The following AGBL4 variants were observed in gnomAD, a reference collection of about 807,000 sequenced individuals.
AGBL4 encodes the protein AGBL carboxypeptidase 4, also known as cytosolic carboxypeptidase 6.
Under a neutral mutation model 66.4 loss-of-function variants are expected in AGBL4, and 58 were observed. That is an observed-to-expected ratio of 0.87 (90% confidence interval 0.71 to 1.09). The LOEUF is 1.09. AGBL4 is among the 50% of genes least tolerant of loss of function. The pLI is 0.00. For missense variants in AGBL4, 579 were observed against 631.0 expected (o/e 0.92, Z 0.88); for synonymous variants, 234 against 222.9 (o/e 1.05, Z -0.44).
At chr1:49,711,195 A>G (rs922897285) in intron 2 of AGBL4, among the ~76,000 whole-genome samples, 3 of 152,140 alleles carry the variant, frequency 2.0e-5, no homozygotes, top group Non-Finnish European at 1.5e-5. Context: ...ATAATTTCTC[A>G]TAAAGGTAAA....
At chr1:49,027,596 C>A (rs980754761) in intron 5 of AGBL4, among the ~76,000 whole-genome samples, 2 of 152,058 alleles carry the variant, frequency 1.3e-5, no homozygotes, top group African/African-American at 4.8e-5. Flanking sequence ...AATATTAGTT[C>A]CCTCTCTACC....
chr1:48,838,914 C>G (rs1646739965), intron 6 of AGBL4, among the ~76,000 whole-genome samples: 1 of 151,964 alleles, frequency 6.6e-6, no homozygotes, highest in Non-Finnish European at 1.5e-5. Flanking sequence ...AAATGGCCAA[C>G]AGGTATAAAA....
At chr1:49,139,992 C>A (rs1646087889) in intron 4 of AGBL4, among the ~76,000 whole-genome samples, 1 of 152,080 alleles carries the variant, frequency 6.6e-6, no homozygotes, top group Admixed American at 6.6e-5. Context: ...AAAAAGGGGG[C>A]TCAAAATCTG....
intron 1 of AGBL4, among the ~76,000 whole-genome samples, chr1:49,880,008 C>A (rs1647167372): frequency 6.6e-6 from 1 of 150,504 alleles, no homozygotes; most frequent in South Asian, 2.1e-4. Flanking sequence ...GTTTTCAGCT[C>A]CATCAGCTCC....
intron 1 of AGBL4, among the ~76,000 whole-genome samples, chr1:49,890,232 A>T (rs1380692161): frequency 6.6e-6 from 1 of 152,252 alleles, no homozygotes; most frequent in African/African-American, 2.4e-5. Context: ...ACACAGAATT[A>T]GTGAAAAGGC....
intron 6 of AGBL4, among the ~76,000 whole-genome samples, chr1:48,726,823 A>C (rs1647304434): frequency 1.3e-5 from 2 of 152,214 alleles, no homozygotes; most frequent in African/African-American, 4.8e-5. Context: ...CATTTATTGA[A>C]CACTTATCTC....
intron 6 of AGBL4, among the ~76,000 whole-genome samples, chr1:48,846,314 A>AGATAGATAGATC (rs1174787198): frequency 1.4e-5 from 2 of 142,674 alleles, no homozygotes; most frequent in African/African-American, 6.1e-5. Context: ...ATAGATAGAC[A>AGATAGATAGATC]GATAGATAGA....
intron 2 of AGBL4, among the ~76,000 whole-genome samples, chr1:49,713,188 G>A (rs1647806766): frequency 6.6e-6 from 1 of 151,880 alleles, no homozygotes; most frequent in South Asian, 2.1e-4. Context: ...CTATTTCTCT[G>A]TTCTTTTATT....
chr1:49,969,386 T>C (rs1202819779), intron 1 of AGBL4, among the ~76,000 whole-genome samples: 1 of 152,102 alleles, frequency 6.6e-6, no homozygotes, highest in African/African-American at 2.4e-5. Flanking sequence ...TGTGTGTGTG[T>C]ATGTGTATGA....
At position 49,734,844 on chromosome 1, in the gene AGBL4, CTTATA is replaced by C. The variant is rs577609908; in HGVS notation, c.158-37412_158-37408del. Among the ~76,000 whole-genome samples the C allele has an allele frequency of 2.9e-3, 434 of 151,822 alleles. 1 individual carries two copies. The highest frequency in any genetic ancestry group is 5.0e-3 in the South Asian group (24 of 4,816). ...TAAAAATAATAATAATCATGGGAAACTTATATTATTTTATTTCAAAACTTAGTATA... is the reference window on the plus strand; with the variant it reads ...TAAAAATAATAATAATCATGGGAAACTTATTTTATTTCAAAACTTAGTATA... On this transcript the variant is annotated intron_variant, in intron 2 of 13. Coordinates refer to ENST00000371839, the MANE Select transcript of AGBL4 (RefSeq NM_032785.4).
chr1:49,045,874 C>T, intron 4 of AGBL4, 74 bp from the exon 5 acceptor site: 1 of 1,251,260 alleles, frequency 8.0e-7, no homozygotes, highest in Middle Eastern at 2.1e-4. Flanking sequence ...ACATATAAAT[C>T]AATGCCTGGA....
chr1:49,620,289 C>T (rs1047842121), intron 3 of AGBL4, among the ~76,000 whole-genome samples: 3 of 151,942 alleles, frequency 2.0e-5, no homozygotes, highest in African/African-American at 7.3e-5. Flanking sequence ...CAAACCACCC[C>T]ATCAAAAATG....
At chr1:48,614,087 T>C (rs1001951907) in intron 9 of AGBL4, among the ~76,000 whole-genome samples, 9 of 152,218 alleles carry the variant, frequency 5.9e-5, no homozygotes, top group African/African-American at 2.2e-4. Flanking sequence ...CACCCTCTGA[T>C]GAAAAGAAAA....
intron 4 of AGBL4, among the ~76,000 whole-genome samples, chr1:49,237,272 A>T (rs1650832779): frequency 7.0e-6 from 1 of 142,410 alleles, no homozygotes; most frequent in Non-Finnish European, 1.5e-5. Context: ...AAAAAAAACT[A>T]AAAAAAAAAA....
chr1:49,283,488 C>T (rs566174270), intron 3 of AGBL4, among the ~76,000 whole-genome samples: 1 of 152,338 alleles, frequency 6.6e-6, no homozygotes, highest in Non-Finnish European at 1.5e-5. Context: ...GAACGCAGTT[C>T]CTCACCAGCA....
chr1:49,628,434 G>T (rs1645506106), intron 3 of AGBL4, among the ~76,000 whole-genome samples: 1 of 152,244 alleles, frequency 6.6e-6, no homozygotes, highest in East Asian at 1.9e-4. Context: ...AATGAGGCCT[G>T]CCAGATCTTA....
chr1:48,983,105 A>G (rs182534737), intron 5 of AGBL4, among the ~76,000 whole-genome samples: 60 of 152,312 alleles, frequency 3.9e-4, no homozygotes, highest in Admixed American at 1.4e-3. Flanking sequence ...TTACTCATCA[A>G]AAATGACATT....
At chr1:49,884,364 T>C (rs567663917) in intron 1 of AGBL4, among the ~76,000 whole-genome samples, 66 of 152,064 alleles carry the variant, frequency 4.3e-4, no homozygotes, top group Non-Finnish European at 6.6e-4. Context: ...TAGTTGGTTA[T>C]TATTATTAGT....
intron 3 of AGBL4, among the ~76,000 whole-genome samples, chr1:49,275,300 AG>A (rs1275073933): frequency 6.6e-6 from 1 of 152,162 alleles, no homozygotes; most frequent in African/African-American, 2.4e-5. Context: ...ACTTTCTGAC[AG>A]GCCCATGCAC....
Sources: gnomAD v4.1 joint callset for allele counts (sites outside exome capture counted in the v4.1 genomes callset) on GRCh38, gnomAD v4.1.1 for gene constraint, MANE v1.5 for transcripts, NCBI Gene and HGNC (gene_info 2026-07-23, HGNC 2026-07-21) for gene names.